Variants in STX1A observed in about 807,000 individuals in gnomAD.
The protein encoded by STX1A is syntaxin 1A, also known as syntaxin-1A.
In STX1A, 4 loss-of-function variants were observed where a neutral mutation model predicts 37.8. The observed-to-expected ratio is 0.11, with a 90% CI of 0.05 to 0.24. STX1A has a LOEUF of 0.24. Ranked by LOEUF, STX1A falls within the 10% of genes least tolerant of loss-of-function variation. STX1A has a pLI of 1.00. For synonymous variants in STX1A, 135 were observed against 147.4 expected (o/e 0.92, Z 0.61); for missense variants, 251 against 399.9 (o/e 0.63, Z 3.18).
Position 73,700,465 on chromosome 7 carries a change from A to G in STX1A, c.809T>C (p.Ile270Thr), listed in dbSNP as rs1554615661. The change falls in exon 10 of 10, where the codon ATC (isoleucine) becomes ACC (threonine). Residue 270 changes from isoleucine to threonine, a missense_variant. Ile to Thr is a moderately conservative substitution (Grantham distance 89). Around this residue, in one of 2 missense-constraint regions of STX1A, gnomAD observed 214 missense variants for 367.6 expected, o/e 0.58. Transcript: ENST00000222812. The surrounding 1 kb of genome is among the most constrained non-coding windows in gnomAD (Gnocchi z 4.4). ...KARRKKIMII[I>T]CCVILGIVIA... ...GACGATGCCCAGGATCACACAGCAG[A>G]TGATGATCATGATTTTCTTCTGCAT... The G allele has an allele frequency of 1.2e-6, 2 of 1,614,008 alleles. No homozygotes were observed. The highest frequency in any genetic ancestry group is 1.1e-5 in the South Asian group (1 of 91,076).
chr7:73,703,035 A>AGAGGGCC (rs1554616167), intron 7 of STX1A, 53 bp from the exon 8 acceptor site: 11 of 1,006,488 alleles, frequency 1.1e-5, no homozygotes, highest in Non-Finnish European at 1.5e-5. Flanking sequence ...GGGGCAGGGC[A>AGAGGGCC]GAGGGCCGAG....
intron 1 of STX1A, among the ~76,000 whole-genome samples, chr7:73,715,108 G>C (rs1176893529): frequency 3.4e-5 from 5 of 148,782 alleles, no homozygotes; most frequent in Non-Finnish European, 7.4e-5. Context: ...CTGGATGACA[G>C]AATGAGACTC....
chr7:73,704,127 C>A, intron 6 of STX1A, 21 bp downstream of exon 6: 1 of 1,581,310 alleles, frequency 6.3e-7, no homozygotes. Flanking sequence ...GGCCCCGCCC[C>A]AGGCCCCACC....
intron 4 of STX1A, 193 bp from the exon 5 acceptor site, chr7:73,704,616 G>C: frequency 1.5e-6 from 1 of 664,026 alleles, no homozygotes; most frequent in Non-Finnish European, 2.6e-6. Flanking sequence ...TGTGTGGTGT[G>C]TGCATGTGTG....
At position 73,704,130 on chromosome 7, in the gene STX1A, G is replaced by C; in HGVS notation, c.466+18C>G. 5.1e-6 allele frequency: 8 copies of C among 1,577,320 alleles called. No individual in the cohort carries two copies. Among genetic ancestry groups the C allele is most frequent in the Admixed American group, 1.7e-5 (1 of 59,794 alleles). On this transcript the variant is annotated intron_variant, in intron 6 of 9. Transcript: ENST00000222812. ...CTCCAGGCTCCAGGCCCCGCCCCAG[G>C]CCCCACCCCCAGCTCACTGATCTCC... is the stretch of plus-strand genomic sequence containing the variant.
chr7:73,702,290 A>G lies in STX1A; in HGVS notation c.678+555T>C, dbSNP rs1305220849. Among the ~76,000 whole-genome samples, 1 of 152,096 alleles carries G rather than the reference A, an allele frequency of 6.6e-6. No individual in the cohort carries two copies. The highest frequency in any genetic ancestry group is 2.1e-4 in the South Asian group (1 of 4,820). Reference sequence around the variant, plus strand: ...CGTGGTCACGGTGTTACTCTGTGTAACTTTGGAACCATAGTGGTGGTGGCA... The same window carrying G: ...CGTGGTCACGGTGTTACTCTGTGTAGCTTTGGAACCATAGTGGTGGTGGCA... On this transcript the variant is annotated intron_variant, in intron 8 of 9. Coordinates refer to ENST00000222812, the MANE Select transcript of STX1A (RefSeq NM_004603.4). This position sits in a 1 kb window ranked among gnomAD's most constrained non-coding sequence, Gnocchi z 4.7.
At position 73,702,752 on chromosome 7, in the gene STX1A, G is replaced by A. The variant is rs782144426; in HGVS notation, c.678+93C>T. Reference sequence around the variant, plus strand: ...TACCTGAGAACTTGGTCCCTCCCCGGCAGGGCAGCGTGTCGGGCAGAAAGG... The same window carrying A: ...TACCTGAGAACTTGGTCCCTCCCCGACAGGGCAGCGTGTCGGGCAGAAAGG... On this transcript the variant is annotated intron_variant, in intron 8 of 9. Coordinates refer to ENST00000222812, the MANE Select transcript of STX1A (RefSeq NM_004603.4). This position sits in a 1 kb window ranked among gnomAD's most constrained non-coding sequence, Gnocchi z 4.7. 6.3e-7 allele frequency: 1 copy of A among 1,595,996 alleles called. No individual in the cohort carries two copies. The highest frequency in any genetic ancestry group is 1.7e-5 in the Admixed American group (1 of 58,994).
chr7:73,712,849 C>T (rs1249913377), intron 1 of STX1A, among the ~76,000 whole-genome samples: 1 of 152,178 alleles, frequency 6.6e-6, no homozygotes, highest in Non-Finnish European at 1.5e-5. Context: ...AATTACAGCC[C>T]CTGCCCAAGA....
chr7:73,718,387 C>T (rs1462439132), intron 1 of STX1A, among the ~76,000 whole-genome samples: 1 of 152,136 alleles, frequency 6.6e-6, no homozygotes, highest in Non-Finnish European at 1.5e-5. Context: ...ATGGGGCAGA[C>T]AGGCTCCAAC....
At chr7:73,703,017 C>T in intron 7 of STX1A, 35 bp from the exon 8 acceptor site, 1 of 1,311,472 alleles carries the variant, frequency 7.6e-7, no homozygotes, top group East Asian at 3.3e-5. Flanking sequence ...GACCCAGAGG[C>T]TTGCTGAGGG....
chr7:73,704,191 G>A lies in STX1A; in HGVS notation c.423C>T (p.Tyr141=), dbSNP rs148465382. ...GGATGCGGCCTTTGCAGCGCTCGCG[G>A]TAGTCGGACTGCGTGGCGTTGTACT... ...MSEYNATQSD[Y]RERCKGRIQR... Residue 141 remains tyrosine, a synonymous_variant, in exon 6 of 10, where the codon TAC becomes TAT. Transcript: ENST00000222812. The A allele has an allele frequency of 2.2e-5, 35 of 1,613,352 alleles. No homozygotes were observed. Among genetic ancestry groups the A allele is most frequent in the Non-Finnish European group, 3.0e-5 (35 of 1,179,988 alleles).
rs1450343316 is a variant in STX1A at position 73,702,831 on chromosome 7, G to A, written c.678+14C>T. On this transcript the variant is annotated intron_variant, in intron 8 of 9. Transcript: ENST00000222812. The surrounding 1 kb of genome is among the most constrained non-coding windows in gnomAD (Gnocchi z 4.7). The stretch of plus-strand genomic sequence containing the variant: ...TGTGGGCTGGAGTGGAGGGCAGGGG[G>A]GCCCGGCACTCACCTGGCTCTCCAC... 2.7e-5 allele frequency: 43 copies of A among 1,613,858 alleles called. No homozygotes were observed. Among genetic ancestry groups the A allele is most frequent in the Non-Finnish European group, 3.5e-5 (41 of 1,179,976 alleles).
chr7:73,702,714 G>A lies in STX1A; in HGVS notation c.678+131C>T. 6.5e-7 allele frequency: 1 copy of A among 1,543,712 alleles called. No homozygotes were observed. The highest frequency in any genetic ancestry group is 1.2e-5 in the South Asian group (1 of 81,090). Reference sequence around the variant, plus strand: ...CAGGGCCCTGGCGGCAGTTTCAACAGCGGGTGATTGGTTACCTGAGAACTT... The same window carrying A: ...CAGGGCCCTGGCGGCAGTTTCAACAACGGGTGATTGGTTACCTGAGAACTT... On this transcript the variant is annotated intron_variant, in intron 8 of 9. Coordinates refer to ENST00000222812, the MANE Select transcript of STX1A (RefSeq NM_004603.4). This position sits in a 1 kb window ranked among gnomAD's most constrained non-coding sequence, Gnocchi z 4.7.
intron 1 of STX1A, among the ~76,000 whole-genome samples, chr7:73,710,054 A>C (rs188593081): frequency 4.3e-4 from 65 of 152,082 alleles, no homozygotes; most frequent in African/African-American, 1.6e-3. Context: ...TTGCCATTGG[A>C]CCTCGGTCTG....
intron 8 of STX1A, chr7:73,701,271 C>G (rs1449970259): frequency 8.5e-6 from 3 of 352,074 alleles, no homozygotes; most frequent in Admixed American, 4.2e-5. Flanking sequence ...CCATCCAGCT[C>G]TGTCTGCTGT....
In STX1A at chr7:73,700,316, C is replaced by T. The variant is rs996506438; in HGVS notation, c.*91G>A. The T allele has an allele frequency of 3.3e-5, 43 of 1,293,410 alleles. No homozygotes were observed. Among genetic ancestry groups the T allele is most frequent in the South Asian group, 6.2e-5 (5 of 81,294 alleles). 80.1% of individuals were successfully genotyped at this position (1,293,410 alleles called of 1,614,324 possible). A position where few individuals can be genotyped will look rare whatever the true frequency, so the allele number is the denominator to read the frequency against. ...GAGGGAGGGTGCTCTGAGCCAGAGG[C>T]GGGGGTTGGGAGGGCAGCCCAGCCA... is the stretch of plus-strand genomic sequence containing the variant. On this transcript the variant is annotated 3_prime_UTR_variant, in exon 10 of 10. Coordinates refer to ENST00000222812, the MANE Select transcript of STX1A (RefSeq NM_004603.4). The surrounding 1 kb of genome is among the most constrained non-coding windows in gnomAD (Gnocchi z 4.4).
At chr7:73,716,406 C>T (rs2116776679) in intron 1 of STX1A, among the ~76,000 whole-genome samples, 1 of 152,388 alleles carries the variant, frequency 6.6e-6, no homozygotes, top group Admixed American at 6.5e-5. Context: ...AAGCAGGGCC[C>T]TGGGCCTTCC....
intron 6 of STX1A, 127 bp from the exon 7 acceptor site, chr7:73,703,955 C>T: frequency 1.1e-6 from 1 of 902,438 alleles, no homozygotes; most frequent in East Asian, 3.2e-5. Flanking sequence ...AGCCTCAGGC[C>T]CCGCCCCCCC....
At chr7:73,713,934 G>C in intron 1 of STX1A, among the ~76,000 whole-genome samples, 1 of 152,174 alleles carries the variant, frequency 6.6e-6, no homozygotes, top group East Asian at 1.9e-4. Flanking sequence ...ACGGACGGAT[G>C]TGCCCAGATA....
Sources: allele counts gnomAD v4.1 joint callset (sites outside exome capture counted in the v4.1 genomes callset), GRCh38; gene constraint gnomAD v4.1.1; regional missense constraint gnomAD v4.1.1; non-coding constraint Gnocchi (gnomAD v3.1); transcripts MANE v1.5; gene names NCBI Gene and HGNC (gene_info 2026-07-23, HGNC 2026-07-21).